The following AGO3 variants were observed in gnomAD, a reference collection of about 807,000 sequenced individuals.
The protein encoded by AGO3 is protein argonaute-3.
In AGO3, 16 loss-of-function variants were observed where a neutral mutation model predicts 105.5. The ratio of observed to expected loss-of-function variants is 0.15; its 90% confidence interval spans 0.10 to 0.23. The LOEUF is 0.23. AGO3 is among the 10% of genes least tolerant of loss of function. The probability of loss-of-function intolerance (pLI) is 1.00; values close to 1 mark genes in which losing one functional copy is unlikely to be tolerated. For synonymous variants in AGO3, 340 were observed against 367.3 expected (o/e 0.93, Z 0.85); for missense variants, 534 against 1,088.0 (o/e 0.49, Z 7.16).
chr1:35,935,696 A>C (rs1481597913), intron 1 of AGO3, among the ~76,000 whole-genome samples: 1 of 152,222 alleles, frequency 6.6e-6, no homozygotes. Context: ...TTTCTTGCCA[A>C]ATTGTCTAAG....
chr1:36,052,177 C>T (rs1569954157), intron 17 of AGO3, among the ~76,000 whole-genome samples: 1 of 151,890 alleles, frequency 6.6e-6, no homozygotes, highest in Non-Finnish European at 1.5e-5. Context: ...TGTCCCTCAA[C>T]AGATGAATGA....
At chr1:35,981,842 G>A (rs916782593) in intron 5 of AGO3, among the ~76,000 whole-genome samples, 3 of 151,984 alleles carry the variant, frequency 2.0e-5, no homozygotes, top group Admixed American at 6.6e-5. Context: ...TTTTCTTTCT[G>A]GGAGTAAATA....
chr1:36,063,544 G>C lies in AGO3; in HGVS notation c.*7799G>C, dbSNP rs1277708794. ...TGTTATATGGAAGATTTGCTACCCT[G>C]ATCTTTTCCCTAGCATACTTCTAAA... On this transcript the variant is annotated 3_prime_UTR_variant, in exon 19 of 19. Transcript: ENST00000373191. 6.6e-6 allele frequency: 1 copy of C among 152,078 alleles called. No homozygotes were observed. Among genetic ancestry groups the C allele is most frequent in the African/African-American group, 2.4e-5 (1 of 41,412 alleles). The allele number at this position is 152,078 out of a possible 1,614,324, so 9.4% of individuals were successfully genotyped here. A position where few individuals can be genotyped will look rare whatever the true frequency, so the allele number is the denominator to read the frequency against.
chr1:36,012,133 A>C (rs1169402011), intron 9 of AGO3, among the ~76,000 whole-genome samples: 1 of 151,982 alleles, frequency 6.6e-6, no homozygotes, highest in East Asian at 1.9e-4. Flanking sequence ...CCAGGAGTTC[A>C]AGACCAGCCT....
intron 5 of AGO3, among the ~76,000 whole-genome samples, chr1:35,992,610 A>G (rs533027987): frequency 3.3e-5 from 5 of 152,276 alleles, no homozygotes; most frequent in Admixed American, 2.0e-4. Flanking sequence ...CTTAACCCAG[A>G]ATCTGTTATT....
chr1:36,045,090 T>C (rs982888420), intron 17 of AGO3, among the ~76,000 whole-genome samples: 1 of 152,210 alleles, frequency 6.6e-6, no homozygotes, highest in Admixed American at 6.5e-5. Flanking sequence ...AGCTCCTCTT[T>C]ACAATTAATG....
At position 36,008,881 on chromosome 1, in the gene AGO3, A is replaced by AC. The variant is rs1382783868; in HGVS notation, c.882-15dup. On this transcript the variant is annotated splice_polypyrimidine_tract_variant and intron_variant, in intron 7 of 18. Transcript: ENST00000373191. The surrounding 1 kb of genome is among the most constrained non-coding windows in gnomAD (Gnocchi z 5.1). The stretch of plus-strand genomic sequence containing the variant: ...TAATGGGCAAGAATTGTTCATGTGT[A>AC]CTTTTTTTTCCTCAGCTTTCCTTTA... 1.2e-6 allele frequency: 2 copies of AC among 1,613,886 alleles called. No individual in the cohort carries two copies. The highest frequency in any genetic ancestry group is 3.3e-5 in the Admixed American group (2 of 59,966).
rs1383982163 is a variant in AGO3, at chr1:36,056,687, T to G, written c.*942T>G. 1 of 152,018 alleles carries G rather than the reference T, an allele frequency of 6.6e-6. No individual in the cohort carries two copies. Among genetic ancestry groups the G allele is most frequent in the Non-Finnish European group, 1.5e-5 (1 of 68,008 alleles). 9.4% of individuals were successfully genotyped at this position (152,018 alleles called of 1,614,324 possible). A position where few individuals can be genotyped will look rare whatever the true frequency, so the allele number is the denominator to read the frequency against. On this transcript the variant is annotated 3_prime_UTR_variant, in exon 19 of 19. Coordinates refer to ENST00000373191, the MANE Select transcript of AGO3 (RefSeq NM_024852.4). ...ACATACATTTACCATTTGCGCAATT[T>G]GTATATAAGCAGTAGCAACCTGAAC...
In AGO3 at chr1:36,031,736, G is replaced by A. The variant is rs551059564; in HGVS notation, c.1592-2438G>A. ...CCTGGAAAGCACTGTTCTACTTTCC[G>A]CTTCCATGAATTTGACTATTCTAGT... is the stretch of plus-strand genomic sequence containing the variant. On this transcript the variant is annotated intron_variant, in intron 12 of 18. Coordinates refer to ENST00000373191, the MANE Select transcript of AGO3 (RefSeq NM_024852.4). Among the ~76,000 whole-genome samples the A allele has an allele frequency of 7.2e-5, 11 of 151,970 alleles. No homozygotes were observed. In the South Asian group the frequency reaches 1.2e-3, roughly 17 times the overall value.
At position 36,053,864 on chromosome 1, in the gene AGO3, T is replaced by G. The variant is rs1275090251; in HGVS notation, c.2275-1082T>G. On this transcript the variant is annotated intron_variant, in intron 17 of 18. Transcript: ENST00000373191. ...CCCTGGTTCAAGCGATTCTCCTGCC[T>G]CAGCCTCCTGAGTAGCTGGGCTTAC... is the stretch of plus-strand genomic sequence containing the variant. Among the ~76,000 whole-genome samples the G allele has an allele frequency of 2.0e-5, 3 of 149,458 alleles. No homozygotes were observed. In the Admixed American group the frequency reaches 2.0e-4, roughly 10 times the overall value.
At chr1:36,018,114 C>T (rs1260135077) in intron 11 of AGO3, among the ~76,000 whole-genome samples, 1 of 150,964 alleles carries the variant, frequency 6.6e-6, no homozygotes, top group Non-Finnish European at 1.5e-5. Flanking sequence ...CCAAGTAGAA[C>T]AGGCACGTAC....
chr1:35,943,012 T>TC (rs1646284891), intron 1 of AGO3, among the ~76,000 whole-genome samples: 1 of 152,094 alleles, frequency 6.6e-6, no homozygotes, highest in Non-Finnish European at 1.5e-5. Context: ...TGGTTTTGTT[T>TC]TTTTTTTTGA....
chr1:36,044,269 C>G (rs1158512708), intron 17 of AGO3, among the ~76,000 whole-genome samples: 1 of 152,052 alleles, frequency 6.6e-6, no homozygotes, highest in Non-Finnish European at 1.5e-5. Context: ...CACTTGAGCG[C>G]GGAGGCAGAG....
chr1:35,987,144 A>G (rs992606649), intron 5 of AGO3, among the ~76,000 whole-genome samples: 2 of 152,012 alleles, frequency 1.3e-5, no homozygotes, highest in Non-Finnish European at 2.9e-5. Flanking sequence ...CTTGGCCATC[A>G]TGGTGAAACC....
intron 6 of AGO3, among the ~76,000 whole-genome samples, chr1:36,007,756 T>C (rs1569747694): frequency 6.6e-6 from 1 of 152,176 alleles, no homozygotes; most frequent in African/African-American, 2.4e-5. Context: ...ACATTTCTTA[T>C]GCTTAGTAAC....
In AGO3 at chr1:36,027,380, CAAATATTA is replaced by C; in HGVS notation, c.1591+89_1591+96del. 8.1e-7 allele frequency: 1 copy of C among 1,232,344 alleles called. No individual in the cohort carries two copies. The highest frequency in any genetic ancestry group is 1.5e-5 in the African/African-American group (1 of 65,872). 76.3% of individuals were successfully genotyped at this position (1,232,344 alleles called of 1,614,324 possible). ...ATACTGAAACATATCCTAAAACTTT[CAAATATTA>C]AAATATATTTTATGATACAGTATTT... On this transcript the variant is annotated intron_variant, in intron 12 of 18. Transcript: ENST00000373191. This position sits in a 1 kb window ranked among gnomAD's most constrained non-coding sequence, Gnocchi z 4.0.
intron 17 of AGO3, among the ~76,000 whole-genome samples, chr1:36,043,997 C>T (rs377172197): frequency 1.3e-5 from 2 of 152,028 alleles, no homozygotes; most frequent in African/African-American, 2.4e-5. Flanking sequence ...CAGCTAATGA[C>T]GATAACATTT....
chr1:35,934,731 G>A (rs7554999), intron 1 of AGO3, among the ~76,000 whole-genome samples: 1 of 151,856 alleles, frequency 6.6e-6, no homozygotes, highest in Non-Finnish European at 1.5e-5. Flanking sequence ...GCTCACTGCA[G>A]CCTCTGCCTC....
rs1323108520 is a variant in AGO3, at chr1:35,973,372, T to C, written c.522-3T>C. 1 of 1,487,292 alleles carries C rather than the reference T, an allele frequency of 6.7e-7. No homozygotes were observed. Among genetic ancestry groups the C allele is most frequent in the South Asian group, 1.4e-5 (1 of 70,474 alleles). 92.1% of individuals were successfully genotyped at this position (1,487,292 alleles called of 1,614,324 possible). On this transcript the variant is annotated splice_region_variant and splice_polypyrimidine_tract_variant and intron_variant, in intron 4 of 18. Transcript: ENST00000373191. ...ATTGAACATGCCATTTTAATTTTTG[T>C]AGATACACACCTGTGGGGCGTTCAT...
Sources: gnomAD v4.1 joint callset for allele counts (sites outside exome capture counted in the v4.1 genomes callset) on GRCh38, gnomAD v4.1.1 for gene constraint, Gnocchi (gnomAD v3.1) non-coding constraint, MANE v1.5 for transcripts, NCBI Gene and HGNC (gene_info 2026-07-23, HGNC 2026-07-21) for gene names.